RDH13: variants seen among roughly 807,000 people sequenced by gnomAD.
The protein encoded by RDH13 is retinol dehydrogenase 13 (all-trans and 9-cis).
A neutral mutation model predicts 28.3 loss-of-function variants in RDH13; 35 were observed. That is an observed-to-expected ratio of 1.24 (90% CI 0.95 to 1.64). RDH13 has a LOEUF of 1.64. Among genes scored for constraint, RDH13 ranks in the 40% most tolerant of loss-of-function variants. The pLI, the probability that RDH13 is intolerant of heterozygous loss-of-function variation, is 0.00. For missense variants in RDH13, 514 were observed against 446.3 expected, an observed-to-expected ratio of 1.15 and a Z score of -1.37; for synonymous variants, 229 against 198.5, an observed-to-expected ratio of 1.15 and a Z score of -1.29.
rs201546457 is a variant in RDH13, at chr19:55,056,691, A to C, written c.302T>G (p.Leu101Arg). ...VNARHLDLAS[L>R]KSIREFAAKI... is the part of the protein sequence containing the mutation. ...TGCTGCAAACTCTCGGATAGACTTG[A>C]GGGAAGCCAAGTCCAGGTGCCGGGC... Residue 101 changes from leucine (L) to arginine (R), a missense_variant, in exon 3 of 7, where the codon CTC (leucine) becomes CGC (arginine). Coordinates refer to ENST00000415061, the MANE Select transcript of RDH13 (RefSeq NM_001145971.2). The C allele has an allele frequency of 3.0e-4, 487 of 1,614,004 alleles. 6 individuals are homozygous for C. The Middle Eastern group carries it at 0.016, about 51-fold the overall frequency.
intron 3 of RDH13, among the ~76,000 whole-genome samples, chr19:55,049,945 CTTCCCTTTG>C (rs2075373369): frequency 9.2e-6 from 1 of 108,348 alleles, no homozygotes; most frequent in Non-Finnish European, 2.1e-5. Context: ...TTCCCTTCCT[CTTCCCTTTG>C]GAGCTGTCTC....
upstream of RDH13, among the ~76,000 whole-genome samples, chr19:55,066,165 T>C (rs1165273823): frequency 1.3e-5 from 2 of 152,216 alleles, no homozygotes; most frequent in Non-Finnish European, 2.9e-5. Context: ...ATCTCCTACC[T>C]GATTCCCAGA....
upstream of RDH13, among the ~76,000 whole-genome samples, chr19:55,064,969 G>A (rs116960457): frequency 0.072 from 10,648 of 148,812 alleles, 543 homozygotes; most frequent in Admixed American, 0.13. Flanking sequence ...AAAAAGACCT[G>A]AAGGTGGACG....
intron 5 of RDH13, 135 bp downstream of exon 5, chr19:55,048,194 C>G: frequency 6.5e-7 from 1 of 1,539,016 alleles, no homozygotes; most frequent in Non-Finnish European, 8.7e-7. Flanking sequence ...AAGCGGGCAG[C>G]GTGGTCCACA....
At chr19:55,060,537 GGCCGGT>G (rs1291482458) in intron 1 of RDH13, among the ~76,000 whole-genome samples, 24 of 152,328 alleles carry the variant, frequency 1.6e-4, no homozygotes, top group South Asian at 8.3e-4. Context: ...GGAACTCAGA[GGCCGGT>G]GCCGGTGCAG....
At chr19:55,062,598 T>G (rs898653889) in intron 1 of RDH13, among the ~76,000 whole-genome samples, 1 of 151,728 alleles carries the variant, frequency 6.6e-6, no homozygotes, top group Non-Finnish European at 1.5e-5. Flanking sequence ...GAGGATCACC[T>G]GAGCCCAGGA....
Position 55,056,787 on chromosome 19 carries a change from C to G in RDH13, c.206G>C (p.Cys69Ser). The part of the protein sequence containing the change: ...ARRGGNIILA[C>S]RDMEKCEAAA... Reference sequence around the variant, plus strand: ...CGCCTCACACTTCTCCATGTCTCGGCAGGCCAGGATGATGTTGCCTCCTGA... The same window carrying G: ...CGCCTCACACTTCTCCATGTCTCGGGAGGCCAGGATGATGTTGCCTCCTGA... Residue 69 changes from cysteine (C) to serine (S), a missense_variant, in exon 3 of 7, where the codon TGC becomes TCC. Coordinates refer to ENST00000415061, the MANE Select transcript of RDH13 (RefSeq NM_001145971.2). 1 of 1,614,054 alleles carries G rather than the reference C, an allele frequency of 6.2e-7. No individual in the cohort carries two copies. The highest frequency in any genetic ancestry group is 8.5e-7 in the Non-Finnish European group (1 of 1,180,002).
intron 3 of RDH13, 81 bp downstream of exon 3, chr19:55,056,572 C>G: frequency 1.3e-6 from 2 of 1,516,876 alleles, no homozygotes; most frequent in Non-Finnish European, 1.8e-6. Flanking sequence ...CTAAAGTTTG[C>G]TTGCTTCATT....
intron 2 of RDH13, among the ~76,000 whole-genome samples, 180 bp from the exon 3 acceptor site, chr19:55,056,988 A>G (rs2075659077): frequency 6.6e-6 from 1 of 152,186 alleles, no homozygotes. Flanking sequence ...GGGACAACAA[A>G]ATGTGGTCCA....
intron 3 of RDH13, 134 bp from the exon 4 acceptor site, chr19:55,048,897 G>A (rs1476436715): frequency 6.5e-6 from 5 of 766,198 alleles, no homozygotes; most frequent in Admixed American, 6.5e-5. Context: ...TGCCGAAGTG[G>A]CCATGTCAGG....
At chr19:55,064,895 G>C (rs557085972), upstream of RDH13, among the ~76,000 whole-genome samples, 191 of 146,424 alleles carry the variant, frequency 1.3e-3, 7 homozygotes, top group Middle Eastern at 0.01. Context: ...TTACAGGCAT[G>C]AGCCACCGCA....
chr19:55,055,034 GGAT>G (rs1271659496), intron 3 of RDH13, among the ~76,000 whole-genome samples: 25 of 152,204 alleles, frequency 1.6e-4, no homozygotes, highest in Non-Finnish European at 2.2e-4. Flanking sequence ...AAAAGCTAGA[GGAT>G]GGTCCCAGTT....
chr19:55,057,523 C>G (rs1241074473), intron 2 of RDH13, among the ~76,000 whole-genome samples: 1 of 151,518 alleles, frequency 6.6e-6, no homozygotes, highest in African/African-American at 2.4e-5. Context: ...ACCTCCACCT[C>G]CTGGGTTCAA....
chr19:55,065,920 G>A (rs1435568353), upstream of RDH13, among the ~76,000 whole-genome samples: 1 of 152,154 alleles, frequency 6.6e-6, no homozygotes, highest in Non-Finnish European at 1.5e-5. Context: ...GTTTCACCAT[G>A]TTGGCCAGGC....
chr19:55,047,105 C>A, intron 6 of RDH13: 1 of 1,348,124 alleles, frequency 7.4e-7, no homozygotes, highest in South Asian at 1.8e-5. Context: ...CTGGAGTTAC[C>A]CTGAGTACAG....
At chr19:55,065,255 G>A (rs568494356), upstream of RDH13, among the ~76,000 whole-genome samples, 567 of 151,358 alleles carry the variant, frequency 3.7e-3, 8 homozygotes, top group Middle Eastern at 0.027. Context: ...TTGGTGGCAC[G>A]CATCTGCACC....
chr19:55,052,243 T>C (rs1467316956), intron 3 of RDH13, among the ~76,000 whole-genome samples: 3 of 151,278 alleles, frequency 2.0e-5, no homozygotes, highest in Non-Finnish European at 4.4e-5. Flanking sequence ...ACCCTGTCTC[T>C]ACCTAAAACA....
intron 3 of RDH13, among the ~76,000 whole-genome samples, chr19:55,051,384 G>A (rs1255908160): frequency 1.3e-5 from 2 of 152,170 alleles, no homozygotes; most frequent in Non-Finnish European, 2.9e-5. Context: ...ACAGCTGGGC[G>A]CCCAGGAGTG....
chr19:55,044,620 ACTG>A lies in RDH13; in HGVS notation c.*451_*453del, dbSNP rs2075139714. On this transcript the variant is annotated 3_prime_UTR_variant, in exon 7 of 7. Coordinates refer to ENST00000415061, the MANE Select transcript of RDH13 (RefSeq NM_001145971.2). ...AGACAGCAGTTATTCTGAGCATCTC[ACTG>A]CTGAAGAAACCAAGGCTCAGAGAGG... 1 of 164,442 alleles carries A rather than the reference ACTG, an allele frequency of 6.1e-6. No individual in the cohort carries two copies. The highest frequency in any genetic ancestry group is 1.3e-5 in the Non-Finnish European group (1 of 76,722). 10.2% of individuals were successfully genotyped at this position (164,442 alleles called of 1,614,324 possible). A position where few individuals can be genotyped will look rare whatever the true frequency, so the allele number is the denominator to read the frequency against.
Sources: allele counts gnomAD v4.1 joint callset (sites outside exome capture counted in the v4.1 genomes callset), GRCh38; gene constraint gnomAD v4.1.1; transcripts MANE v1.5; gene names NCBI Gene and HGNC (gene_info 2026-07-23, HGNC 2026-07-21).